PHF14: variants seen among roughly 807,000 people sequenced by gnomAD.
PHF14 encodes the protein PHD finger protein 14.
Under a neutral mutation model 117.9 loss-of-function variants are expected in PHF14, and 55 were observed. The observed-to-expected ratio is 0.47, with a 90% confidence interval of 0.38 to 0.58. The LOEUF (loss-of-function observed/expected upper bound fraction) is 0.58, where lower values mean the gene tolerates loss of function less well. PHF14 is among the 20% of genes least tolerant of loss of function. The probability of loss-of-function intolerance (pLI) is 0.00; values close to 1 mark genes in which losing one functional copy is unlikely to be tolerated. For missense variants in PHF14, 978 were observed against 1,122.2 expected, an observed-to-expected ratio of 0.87 and a Z score of 1.84; for synonymous variants, 409 against 368.6, an observed-to-expected ratio of 1.11 and a Z score of -1.26.
At chr7:11,089,248 C>A (rs1035485722) in intron 16 of PHF14, among the ~76,000 whole-genome samples, 1 of 152,130 alleles carries the variant, frequency 6.6e-6, no homozygotes. Context: ...AAGTTATCAG[C>A]TGTTTGCGTA....
At chr7:11,091,518 G>A (rs890996156) in intron 16 of PHF14, among the ~76,000 whole-genome samples, 1 of 152,130 alleles carries the variant, frequency 6.6e-6, no homozygotes, top group Non-Finnish European at 1.5e-5. Flanking sequence ...CACTTTGGGC[G>A]GCCAAGGTAG....
In PHF14 at chr7:11,013,736, G is replaced by GT. The variant is rs748740578; in HGVS notation, c.1046-3dup. The stretch of plus-strand genomic sequence containing the variant: ...AACCCTATTTAATCATAGTGTTTTT[G>GT]TTTTTTTTAGGTTGTTATGGAGTTG... On this transcript the variant is annotated splice_polypyrimidine_tract_variant and intron_variant, in intron 4 of 17. Transcript: ENST00000634607. 298 of 1,462,268 alleles carry GT rather than the reference G, an allele frequency of 2.0e-4. No individual in the cohort carries two copies. Among genetic ancestry groups the GT allele is most frequent in the South Asian group, 4.6e-4 (34 of 73,604 alleles). 90.6% of individuals were successfully genotyped at this position (1,462,268 alleles called of 1,614,324 possible). A position where few individuals can be genotyped will look rare whatever the true frequency, so the allele number is the denominator to read the frequency against.
At chr7:11,009,802 G>T (rs1224292422) in intron 4 of PHF14, among the ~76,000 whole-genome samples, 1 of 152,162 alleles carries the variant, frequency 6.6e-6, no homozygotes, top group Non-Finnish European at 1.5e-5. Context: ...ATACAGACTT[G>T]CTGGTTGTTC....
intron 17 of PHF14, among the ~76,000 whole-genome samples, chr7:11,168,159 A>G (rs1312715569): frequency 6.6e-6 from 1 of 152,214 alleles, no homozygotes; most frequent in Non-Finnish European, 1.5e-5. Flanking sequence ...GAAATGACAA[A>G]CAGTGGCTAT....
At chr7:10,978,256 A>G (rs1178313632) in intron 2 of PHF14, among the ~76,000 whole-genome samples, 1 of 152,230 alleles carries the variant, frequency 6.6e-6, no homozygotes, top group Non-Finnish European at 1.5e-5. Context: ...AGTAGTAATA[A>G]TATTAGAATA....
At chr7:11,113,657 A>G (rs1787515400) in intron 17 of PHF14, among the ~76,000 whole-genome samples, 1 of 152,110 alleles carries the variant, frequency 6.6e-6, no homozygotes, top group Non-Finnish European at 1.5e-5. Flanking sequence ...TTAAGCTGAA[A>G]CTTCCGGAGA....
intron 16 of PHF14, chr7:11,102,720 G>A (rs916877027): frequency 1.4e-6 from 2 of 1,391,810 alleles, no homozygotes; most frequent in African/African-American, 2.9e-5. Context: ...TAACAAGGCA[G>A]TAGATTTGCC....
At position 10,974,114 on chromosome 7, in the gene PHF14, G is replaced by A; in HGVS notation, c.-210G>A. ...GGGAGCGCTGTGGGAAGGGGCTCGAGCGGCCAGGGCCAGGCGAGGCCGGGG... is the reference window on the plus strand; with the variant it reads ...GGGAGCGCTGTGGGAAGGGGCTCGAACGGCCAGGGCCAGGCGAGGCCGGGG... On this transcript the variant is annotated 5_prime_UTR_variant, in exon 1 of 18. Transcript: ENST00000634607. 1.8e-6 allele frequency: 1 copy of A among 558,490 alleles called. No individual in the cohort carries two copies. The highest frequency in any genetic ancestry group is 3.2e-6 in the Non-Finnish European group (1 of 310,462). The allele number at this position is 558,490 out of a possible 1,614,324, so 34.6% of individuals were successfully genotyped here.
At chr7:11,128,438 C>T (rs1377919499) in intron 17 of PHF14, among the ~76,000 whole-genome samples, 1 of 152,034 alleles carries the variant, frequency 6.6e-6, no homozygotes, top group Non-Finnish European at 1.5e-5. Context: ...ACTACCTCCT[C>T]TGTTCTTTAT....
At position 10,986,588 on chromosome 7, in the gene PHF14, C is replaced by T. The variant is rs145088736; in HGVS notation, c.900+3429C>T. Among the ~76,000 whole-genome samples, 524 of 152,314 alleles carry T rather than the reference C, an allele frequency of 3.4e-3. 5 individuals are homozygous for T. Among genetic ancestry groups the T allele is most frequent in the African/African-American group, 9.6e-3 (397 of 41,560 alleles). ...TTAGATAAACTGCATTTTCCGCAAA[C>T]GGACACCTGTTTTTGTCAATAACCT... On this transcript the variant is annotated intron_variant, in intron 3 of 17. Transcript: ENST00000634607.
rs567909960 is a variant in PHF14, at chr7:11,068,101, A to G, written c.2654+6016A>G. The stretch of plus-strand genomic sequence containing the variant: ...TGCGGTGGCTCACGCCTGTAATCCC[A>G]GCACTTCGGAAGGCCAAGGCAGGTG... On this transcript the variant is annotated intron_variant, in intron 16 of 17. Transcript: ENST00000634607. Among the ~76,000 whole-genome samples, 94 of 152,320 alleles carry G rather than the reference A, an allele frequency of 6.2e-4. 1 individual carries two copies. Among genetic ancestry groups the G allele is most frequent in the African/African-American group, 2.2e-3 (92 of 41,572 alleles).
intron 17 of PHF14, among the ~76,000 whole-genome samples, chr7:11,127,793 TAA>T (rs1377453436): frequency 1.3e-5 from 2 of 152,142 alleles, no homozygotes. Context: ...TGCATATCTT[TAA>T]AAATGAATAG....
At chr7:11,014,397 T>G (rs1016824301) in intron 5 of PHF14, among the ~76,000 whole-genome samples, 3 of 152,174 alleles carry the variant, frequency 2.0e-5, no homozygotes, top group African/African-American at 7.2e-5. Context: ...GCTCTGGGCC[T>G]GAGGGAGATT....
intron 4 of PHF14, among the ~76,000 whole-genome samples, chr7:11,003,401 A>G (rs897322109): frequency 6.6e-6 from 1 of 152,128 alleles, no homozygotes; most frequent in East Asian, 1.9e-4. Context: ...TAACCTAAAT[A>G]CATAGGTGTT....
chr7:11,165,700 A>C (rs1789182907), intron 17 of PHF14, among the ~76,000 whole-genome samples: 2 of 152,228 alleles, frequency 1.3e-5, no homozygotes, highest in African/African-American at 4.8e-5. Flanking sequence ...AAGAATGGAT[A>C]GGTTTTATTA....
intron 3 of PHF14, among the ~76,000 whole-genome samples, chr7:10,983,361 G>A (rs1782109256): frequency 6.6e-6 from 1 of 152,078 alleles, no homozygotes; most frequent in Non-Finnish European, 1.5e-5. Context: ...CGTTCTCAAG[G>A]AGCTCACAAT....
intron 16 of PHF14, among the ~76,000 whole-genome samples, chr7:11,075,564 GTTTTTTT>G (rs3073111): frequency 1.2e-3 from 127 of 109,996 alleles, no homozygotes; most frequent in Middle Eastern, 5.2e-3. Flanking sequence ...AAGGAAAGAG[GTTTTTTT>G]TTTTTTTTTT....
At chr7:11,123,453 A>C (rs917774153) in intron 17 of PHF14, among the ~76,000 whole-genome samples, 3 of 152,172 alleles carry the variant, frequency 2.0e-5, no homozygotes, top group African/African-American at 7.2e-5. Flanking sequence ...TGCTATAATT[A>C]AAATGTTGGA....
At chr7:11,155,699 T>G (rs1788822160) in intron 17 of PHF14, among the ~76,000 whole-genome samples, 1 of 152,146 alleles carries the variant, frequency 6.6e-6, no homozygotes, top group African/African-American at 2.4e-5. Flanking sequence ...ACTTGAGTGA[T>G]CAATTGTTTT....
Sources: gnomAD v4.1 joint callset for allele counts (sites outside exome capture counted in the v4.1 genomes callset) on GRCh38, gnomAD v4.1.1 for gene constraint, MANE v1.5 for transcripts, NCBI Gene and HGNC (gene_info 2026-07-23, HGNC 2026-07-21) for gene names.